TTC13: variants seen among roughly 807,000 people sequenced by gnomAD.
TTC13 encodes the protein tetratricopeptide repeat domain 13, also known as tetratricopeptide repeat protein 13.
TTC13 carries 62 observed loss-of-function variants against 120.0 expected under a neutral mutation model. The observed-to-expected ratio is 0.52, with a 90% CI of 0.42 to 0.64. TTC13 has a LOEUF of 0.64. Ranked by LOEUF, TTC13 falls within the 30% of genes least tolerant of loss-of-function variation. The pLI is 0.00. For missense variants in TTC13, 824 were observed against 1,050.2 expected (o/e 0.78, Z 2.98); for synonymous variants, 384 against 393.5 (o/e 0.98, Z 0.28).
chr1:230,978,140 G>T lies in TTC13; in HGVS notation c.271+420C>A, dbSNP rs772585343. ...GATGTGCCAGGCGTCTCCCTCCGGGGGCGGGCTCCGCAAGCCGCCGGGCTG... is the reference window on the plus strand; with the variant it reads ...GATGTGCCAGGCGTCTCCCTCCGGGTGCGGGCTCCGCAAGCCGCCGGGCTG... On this transcript the variant is annotated intron_variant, in intron 1 of 22. Coordinates refer to ENST00000366661, the MANE Select transcript of TTC13 (RefSeq NM_024525.5). This position sits in a 1 kb window ranked among gnomAD's most constrained non-coding sequence, Gnocchi z 5.6. 6.6e-6 allele frequency among the ~76,000 whole-genome samples: 1 copy of T among 152,326 alleles called. No individual in the cohort carries two copies. The highest frequency in any genetic ancestry group is 1.9e-4 in the East Asian group (1 of 5,164).
chr1:230,975,249 C>T (rs1445738849), intron 1 of TTC13, among the ~76,000 whole-genome samples: 1 of 151,990 alleles, frequency 6.6e-6, no homozygotes, highest in African/African-American at 2.4e-5. Context: ...TGGCACACGT[C>T]TGTGGTCCTA....
At position 230,927,195 on chromosome 1, in the gene TTC13, T is replaced by C. The variant is rs116402875; in HGVS notation, c.1458-1548A>G. ...TGAACAAATTCTGCTGGCAGACCTGTATAAATCTCTCCTGGTAGACATGTG... is the reference window on the plus strand; with the variant it reads ...TGAACAAATTCTGCTGGCAGACCTGCATAAATCTCTCCTGGTAGACATGTG... On this transcript the variant is annotated intron_variant, in intron 12 of 22. Coordinates refer to ENST00000366661, the MANE Select transcript of TTC13 (RefSeq NM_024525.5). Among the ~76,000 whole-genome samples, 1,126 of 152,316 alleles carry C rather than the reference T, an allele frequency of 7.4e-3. 16 individuals are homozygous for C. Among genetic ancestry groups the C allele is most frequent in the African/African-American group, 0.025 (1,058 of 41,554 alleles).
At chr1:230,920,146 G>A (rs529181462) in intron 17 of TTC13, among the ~76,000 whole-genome samples, 1 of 152,204 alleles carries the variant, frequency 6.6e-6, no homozygotes, top group Non-Finnish European at 1.5e-5. Flanking sequence ...GAAAGCTGGG[G>A]TGACAGTGGG....
intron 11 of TTC13, among the ~76,000 whole-genome samples, chr1:230,930,611 C>G (rs1176728512): frequency 6.6e-6 from 1 of 152,140 alleles, no homozygotes; most frequent in African/African-American, 2.4e-5. Context: ...GTCAAAGATA[C>G]CAAGTTCACA....
At chr1:230,917,482 T>C (rs1672150606) in intron 17 of TTC13, among the ~76,000 whole-genome samples, 1 of 152,188 alleles carries the variant, frequency 6.6e-6, no homozygotes, top group South Asian at 2.1e-4. Context: ...TGCCTTTCAG[T>C]GGAAGTTGAC....
chr1:230,925,639 A>AAC lies in TTC13; in HGVS notation c.1464_1465dup (p.Leu489CysfsTer16), dbSNP rs1280817776. 32 of 1,614,006 alleles carry AAC rather than the reference A, an allele frequency of 2.0e-5. No individual in the cohort carries two copies. The highest frequency in any genetic ancestry group is 2.7e-5 in the Non-Finnish European group (32 of 1,179,904). On this transcript the variant is annotated frameshift_variant, in exon 13 of 23. Transcript: ENST00000366661. LOFTEE classifies it high-confidence loss of function. ...CTTATAACTCTCAAAATTCTGATGT[A>AAC]ACACATCTCTGGAAGAAACATCATG...
In TTC13 at chr1:230,912,750, T is replaced by C; in HGVS notation, c.2102A>G (p.Asn701Ser). 6.2e-7 allele frequency: 1 copy of C among 1,607,670 alleles called. No homozygotes were observed. Among genetic ancestry groups the C allele is most frequent in the South Asian group, 1.1e-5 (1 of 89,670 alleles). The change falls in exon 19 of 23, where the codon AAT becomes AGT. Residue 701 changes from asparagine to serine, a missense_variant. Asn to Ser is a conservative substitution (Grantham distance 46). Around this residue, in one of 4 missense-constraint regions of TTC13, gnomAD observed 226 missense variants for 259.1 expected, o/e 0.87. Transcript: ENST00000366661. ...TITITGDKVGNILFSVETQTT... is the reference protein window; with the variant it reads ...TITITGDKVGSILFSVETQTT... ...TTGAGTTTCCACAGAAAATAATATA[T>C]TGCCAACTCTGAAAATACAAAAATA...
In TTC13 at chr1:230,940,179, A is replaced by C. The variant is rs1674412087; in HGVS notation, c.789+261T>G. Among the ~76,000 whole-genome samples, 2 of 152,210 alleles carry C rather than the reference A, an allele frequency of 1.3e-5. No homozygotes were observed. Among genetic ancestry groups the C allele is most frequent in the Non-Finnish European group, 2.9e-5 (2 of 68,046 alleles). ...AAGATTGACATACAATCCACAAACT[A>C]AATTTATCTTTCTCTCTCTTTTTTT... On this transcript the variant is annotated intron_variant, in intron 7 of 22. Coordinates refer to ENST00000366661, the MANE Select transcript of TTC13 (RefSeq NM_024525.5). This position sits in a 1 kb window ranked among gnomAD's most constrained non-coding sequence, Gnocchi z 4.1.
chr1:230,923,321 A>T (rs1476927866), intron 15 of TTC13, among the ~76,000 whole-genome samples: 2 of 152,178 alleles, frequency 1.3e-5, no homozygotes, highest in African/African-American at 4.8e-5. Flanking sequence ...CCTCTGGACA[A>T]AACAGAAGTT....
chr1:230,932,879 G>A (rs1308895465), intron 9 of TTC13, among the ~76,000 whole-genome samples: 1 of 152,242 alleles, frequency 6.6e-6, no homozygotes, highest in African/African-American at 2.4e-5. Flanking sequence ...GCTCAGGGAA[G>A]TTAAGCACTC....
At chr1:230,932,801 A>G (rs1046290809) in intron 9 of TTC13, among the ~76,000 whole-genome samples, 1 of 152,144 alleles carries the variant, frequency 6.6e-6, no homozygotes, top group Non-Finnish European at 1.5e-5. Flanking sequence ...GGTACCTAAT[A>G]AAGGGACTTT....
At chr1:230,936,200 T>C (rs1388127787) in intron 8 of TTC13, 1 of 456,250 alleles carries the variant, frequency 2.2e-6, no homozygotes, top group Non-Finnish European at 4.4e-6. Context: ...TGATTTCTCT[T>C]CAGCTTTTAA....
intron 1 of TTC13, among the ~76,000 whole-genome samples, chr1:230,969,211 G>A (rs530844873): frequency 7.9e-5 from 12 of 152,132 alleles, no homozygotes; most frequent in Middle Eastern, 3.4e-3. Flanking sequence ...GCAGTGAGCC[G>A]AGATTGCGCC....
rs562502110 is a variant in TTC13, at chr1:230,931,939, C to T, written c.984-62G>A. On this transcript the variant is annotated intron_variant, in intron 9 of 22. Transcript: ENST00000366661. ...TATTACGGGAAACATACAGAATAAG[C>T]TATCCTCAGAATTATGGACCAATAT... The T allele has an allele frequency of 1.7e-3, 2,600 of 1,530,892 alleles. 7 individuals carry two copies. Among genetic ancestry groups the T allele is most frequent in the Non-Finnish European group, 2.1e-3 (2,395 of 1,118,534 alleles). 94.8% of individuals were successfully genotyped at this position (1,530,892 alleles called of 1,614,324 possible). A position where few individuals can be genotyped will look rare whatever the true frequency, so the allele number is the denominator to read the frequency against.
intron 15 of TTC13, 108 bp downstream of exon 15, chr1:230,923,733 G>C: frequency 1.1e-6 from 1 of 876,054 alleles, no homozygotes; most frequent in Non-Finnish European, 1.8e-6. Context: ...ATGTTCCCTG[G>C]TCAAAAAGTC....
chr1:230,951,836 G>C (rs968081064), intron 4 of TTC13, among the ~76,000 whole-genome samples: 1 of 152,124 alleles, frequency 6.6e-6, no homozygotes, highest in Non-Finnish European at 1.5e-5. Context: ...TGCAAATTAT[G>C]ATTTGTGATG....
intron 1 of TTC13, among the ~76,000 whole-genome samples, chr1:230,966,741 A>G (rs1677165526): frequency 6.6e-6 from 1 of 152,226 alleles, no homozygotes; most frequent in Non-Finnish European, 1.5e-5. Flanking sequence ...GGACGTGAAT[A>G]ACACCAGCTA....
chr1:230,952,087 A>C (rs1391789702), intron 4 of TTC13, among the ~76,000 whole-genome samples: 1 of 152,250 alleles, frequency 6.6e-6, no homozygotes, highest in African/African-American at 2.4e-5. Flanking sequence ...TTAGCATTTA[A>C]CATCGAATCT....
intron 1 of TTC13, among the ~76,000 whole-genome samples, chr1:230,976,120 G>A (rs1678279361): frequency 6.6e-6 from 1 of 152,228 alleles, no homozygotes; most frequent in African/African-American, 2.4e-5. Context: ...CTCAGTATAT[G>A]TGCTGGATTG....
Sources: allele counts gnomAD v4.1 joint callset (sites outside exome capture counted in the v4.1 genomes callset), GRCh38; gene constraint gnomAD v4.1.1; regional missense constraint gnomAD v4.1.1; non-coding constraint Gnocchi (gnomAD v3.1); transcripts MANE v1.5; gene names NCBI Gene and HGNC (gene_info 2026-07-23, HGNC 2026-07-21).